The following ICAM4 variants were observed in gnomAD, a reference collection of about 807,000 sequenced individuals.
ICAM4 encodes the protein intercellular adhesion molecule 4.
ICAM4 carries 16 observed loss-of-function variants against 18.8 expected under a neutral mutation model. That is an observed-to-expected ratio of 0.85 (90% CI 0.58 to 1.29). The LOEUF (loss-of-function observed/expected upper bound fraction) is 1.29, where lower values mean the gene tolerates loss of function less well. ICAM4 is among the 50% of genes most tolerant of loss of function. The pLI is 0.00. For synonymous variants in ICAM4, 163 were observed against 163.2 expected, an observed-to-expected ratio of 1.00 and a Z score of 0.01; for missense variants, 338 against 364.3, an observed-to-expected ratio of 0.93 and a Z score of 0.59.
rs1388031450 is a variant in ICAM4, at chr19:10,287,414, A to C, written c.394+8A>C. ...CCAGGATCACCGCCTACAGTGAGGGACAGGGGCTCGGTCCCGGCTGGGGTG... is the reference window on the plus strand; with the variant it reads ...CCAGGATCACCGCCTACAGTGAGGGCCAGGGGCTCGGTCCCGGCTGGGGTG... On this transcript the variant is annotated splice_region_variant and intron_variant, in intron 1 of 2. Coordinates refer to ENST00000380770, the MANE Select transcript of ICAM4 (RefSeq NM_001544.5). This position sits in a 1 kb window ranked among gnomAD's most constrained non-coding sequence, Gnocchi z 8.7. The C allele has an allele frequency of 1.9e-6, 3 of 1,598,316 alleles. No homozygotes were observed. The highest frequency in any genetic ancestry group is 2.6e-6 in the Non-Finnish European group (3 of 1,171,428).
rs1477179506 is a variant in ICAM4 at position 10,287,448 on chromosome 19, G to A, written c.394+42G>A. 3.8e-6 allele frequency: 6 copies of A among 1,588,044 alleles called. No homozygotes were observed. Among genetic ancestry groups the A allele is most frequent in the South Asian group, 2.3e-5 (2 of 87,540 alleles). On this transcript the variant is annotated intron_variant, in intron 1 of 2. Transcript: ENST00000380770. The surrounding 1 kb of genome is among the most constrained non-coding windows in gnomAD (Gnocchi z 8.7). Reference sequence around the variant, plus strand: ...CGGTCCCGGCTGGGGTGAGGGGAGGGGGCTGGAAGAGGTGGGGGAAGGGTA... The same window carrying A: ...CGGTCCCGGCTGGGGTGAGGGGAGGAGGCTGGAAGAGGTGGGGGAAGGGTA...
In ICAM4 at chr19:10,287,612, G is replaced by C. The variant is rs576131531; in HGVS notation, c.471G>C (p.Gln157His). 2 of 1,614,148 alleles carry C rather than the reference G, an allele frequency of 1.2e-6. No homozygotes were observed. The highest frequency in any genetic ancestry group is 1.7e-6 in the Non-Finnish European group (2 of 1,180,020). ...ACACTTTGCGCTGCCACGTGACGCA[G>C]GTGTTCCCGGTGGGCTACTTGGTGG... is the stretch of plus-strand genomic sequence containing the variant. ...RKYTLRCHVT[Q>H]VFPVGYLVVT... Residue 157 changes from glutamine to histidine, a missense_variant, in exon 2 of 3, where the codon CAG becomes CAC. Physicochemically the swap from Gln to His is conservative, Grantham distance 24. Coordinates refer to ENST00000380770, the MANE Select transcript of ICAM4 (RefSeq NM_001544.5). The surrounding 1 kb of genome is among the most constrained non-coding windows in gnomAD (Gnocchi z 8.7).
Position 10,287,281 on chromosome 19 carries a change from C to A in ICAM4, c.269C>A (p.Thr90Lys), listed in dbSNP as rs1221247277. The A allele has an allele frequency of 6.2e-7, 1 of 1,613,782 alleles. No homozygotes were observed. Among genetic ancestry groups the A allele is most frequent in the Non-Finnish European group, 8.5e-7 (1 of 1,180,030 alleles). The part of the protein sequence containing the change: ...SLRTPLRQGK[T>K]LRGPGWVSYQ... ...CGCACCCCGCTGCGGCAAGGCAAGA[C>A]GCTCAGAGGGCCGGGTTGGGTGTCT... The change falls in exon 1 of 3, where the codon ACG (threonine) becomes AAG (lysine). Residue 90 changes from threonine to lysine, a missense_variant. By Grantham distance (78) the Thr-to-Lys change is moderately conservative. Transcript: ENST00000380770. This position sits in a 1 kb window ranked among gnomAD's most constrained non-coding sequence, Gnocchi z 8.7.
At position 10,288,224 on chromosome 19, in the gene ICAM4, A is replaced by G. The variant is rs1415409112; in HGVS notation, c.*120A>G. 2.0e-6 allele frequency: 3 copies of G among 1,521,870 alleles called. No individual in the cohort carries two copies. Among genetic ancestry groups the G allele is most frequent in the Non-Finnish European group, 2.7e-6 (3 of 1,106,598 alleles). 94.3% of individuals were successfully genotyped at this position (1,521,870 alleles called of 1,614,324 possible). Reference sequence around the variant, plus strand: ...GCACTTTGGGAGGCCGAGGCAGGAGAATCGCTTGAGCCCAGGAGTTCGAGA... The same window carrying G: ...GCACTTTGGGAGGCCGAGGCAGGAGGATCGCTTGAGCCCAGGAGTTCGAGA... On this transcript the variant is annotated 3_prime_UTR_variant, in exon 3 of 3. Transcript: ENST00000380770.
chr19:10,288,404 T>C lies in ICAM4; in HGVS notation c.*300T>C, dbSNP rs1448761915. 1 of 549,040 alleles carries C rather than the reference T, an allele frequency of 1.8e-6. No individual in the cohort carries two copies. Among genetic ancestry groups the C allele is most frequent in the East Asian group, 3.3e-5 (1 of 30,480 alleles). The allele number at this position is 549,040 out of a possible 1,614,324, so 34.0% of individuals were successfully genotyped here. ...TCGAGGTTGCAGTGAGCCTTGATCG[T>C]GCCACTGCACTCCAGCCTGGGGGAC... On this transcript the variant is annotated 3_prime_UTR_variant, in exon 3 of 3. Coordinates refer to ENST00000380770, the MANE Select transcript of ICAM4 (RefSeq NM_001544.5).
At position 10,287,180 on chromosome 19, in the gene ICAM4, C is replaced by A; in HGVS notation, c.168C>A (p.Phe56Leu). The A allele has an allele frequency of 6.2e-7, 1 of 1,611,982 alleles. No homozygotes were observed. The highest frequency in any genetic ancestry group is 1.1e-5 in the South Asian group (1 of 90,938). The change falls in exon 1 of 3, where the codon TTC becomes TTA. Residue 56 changes from phenylalanine to leucine, a missense_variant. Transcript: ENST00000380770. This position sits in a 1 kb window ranked among gnomAD's most constrained non-coding sequence, Gnocchi z 8.7. Reference protein sequence around the residue: ...VPFWVRMSPEFVAVQPGKSVQ... With the variant: ...VPFWVRMSPELVAVQPGKSVQ... The stretch of plus-strand genomic sequence containing the variant: ...TCTGGGTGCGCATGAGCCCGGAGTT[C>A]GTGGCTGTGCAGCCGGGGAAGTCAG...
chr19:10,288,208 G>A lies in ICAM4; in HGVS notation c.*104G>A, dbSNP rs1466392628. ...GACGCCTGTAATCCCAGCACTTTGGGAGGCCGAGGCAGGAGAATCGCTTGA... is the reference window on the plus strand; with the variant it reads ...GACGCCTGTAATCCCAGCACTTTGGAAGGCCGAGGCAGGAGAATCGCTTGA... On this transcript the variant is annotated 3_prime_UTR_variant, in exon 3 of 3. Transcript: ENST00000380770. 1 of 1,580,056 alleles carries A rather than the reference G, an allele frequency of 6.3e-7. No individual in the cohort carries two copies. The highest frequency in any genetic ancestry group is 2.2e-5 in the East Asian group (1 of 44,564).
Position 10,287,195 on chromosome 19 carries a change from G to T in ICAM4, c.183G>T (p.Pro61=). The T allele has an allele frequency of 1.2e-6, 2 of 1,612,220 alleles. No individual in the cohort carries two copies. Among genetic ancestry groups the T allele is most frequent in the South Asian group, 1.1e-5 (1 of 90,974 alleles). ...RMSPEFVAVQ[P]GKSVQLNCSN... is the part of the protein sequence containing the mutation. ...GCCCGGAGTTCGTGGCTGTGCAGCC[G>T]GGGAAGTCAGTGCAGCTCAATTGCA... The change falls in exon 1 of 3, where the codon CCG becomes CCT. Residue 61 remains proline (P), a synonymous_variant. Transcript: ENST00000380770. This position sits in a 1 kb window ranked among gnomAD's most constrained non-coding sequence, Gnocchi z 8.7.
rs757827280 is a variant in ICAM4, at chr19:10,286,989, G to T, written c.-24G>T. On this transcript the variant is annotated 5_prime_UTR_variant, in exon 1 of 3. Coordinates refer to ENST00000380770, the MANE Select transcript of ICAM4 (RefSeq NM_001544.5). ...GCCGGCCCTGGCTCTCTGGCGCGGG[G>T]CCCCTTAGTCCGGGCTTTTTGCCAT... 1 of 1,484,136 alleles carries T rather than the reference G, an allele frequency of 6.7e-7. No individual in the cohort carries two copies. Among genetic ancestry groups the T allele is most frequent in the Admixed American group, 2.4e-5 (1 of 42,078 alleles). The allele number at this position is 1,484,136 out of a possible 1,614,324, so 91.9% of individuals were successfully genotyped here. A position where few individuals can be genotyped will look rare whatever the true frequency, so the allele number is the denominator to read the frequency against.
chr19:10,287,497 C>G lies in ICAM4; in HGVS notation c.395-39C>G, dbSNP rs909829363. 21 of 1,600,392 alleles carry G rather than the reference C, an allele frequency of 1.3e-5. No individual in the cohort carries two copies. Among genetic ancestry groups the G allele is most frequent in the East Asian group, 2.2e-5 (1 of 44,730 alleles). On this transcript the variant is annotated intron_variant, in intron 1 of 2. Coordinates refer to ENST00000380770, the MANE Select transcript of ICAM4 (RefSeq NM_001544.5). The surrounding 1 kb of genome is among the most constrained non-coding windows in gnomAD (Gnocchi z 8.7). ...TAGTTGACAGTCGCTCTATAGGGAG[C>G]GCCCGCGGACCTCACTCAGAGGCTC...
rs2040136524 is a variant in ICAM4 at position 10,288,144 on chromosome 19, A to C, written c.*40A>C. The C allele has an allele frequency of 1.9e-6, 3 of 1,613,952 alleles. No homozygotes were observed. In the South Asian group the frequency reaches 3.3e-5, roughly 18 times the overall value. ...TGCCGGCTGAGCGAGAAAAAGAGGA[A>C]TATGAAACAATCTGGGGAAATGGCC... On this transcript the variant is annotated 3_prime_UTR_variant, in exon 3 of 3. Transcript: ENST00000380770.
rs1210382913 is a variant in ICAM4, at chr19:10,288,214, G to A, written c.*110G>A. ...TGTAATCCCAGCACTTTGGGAGGCC[G>A]AGGCAGGAGAATCGCTTGAGCCCAG... On this transcript the variant is annotated 3_prime_UTR_variant, in exon 3 of 3. Coordinates refer to ENST00000380770, the MANE Select transcript of ICAM4 (RefSeq NM_001544.5). The A allele has an allele frequency of 1.3e-6, 2 of 1,553,032 alleles. No individual in the cohort carries two copies. The highest frequency in any genetic ancestry group is 1.8e-6 in the Non-Finnish European group (2 of 1,131,238).
rs1160472230 is a variant in ICAM4, at chr19:10,288,235, C to T, written c.*131C>T. On this transcript the variant is annotated 3_prime_UTR_variant, in exon 3 of 3. Transcript: ENST00000380770. ...GGCCGAGGCAGGAGAATCGCTTGAG[C>T]CCAGGAGTTCGAGACCAGCCTGGAC... The T allele has an allele frequency of 3.5e-6, 5 of 1,439,816 alleles. No homozygotes were observed. Among genetic ancestry groups the T allele is most frequent in the Non-Finnish European group, 4.8e-6 (5 of 1,036,748 alleles). 89.2% of individuals were successfully genotyped at this position (1,439,816 alleles called of 1,614,324 possible).
chr19:10,287,929 A>C lies in ICAM4; in HGVS notation c.698-57A>C, dbSNP rs762687841. On this transcript the variant is annotated intron_variant, in intron 2 of 2. Coordinates refer to ENST00000380770, the MANE Select transcript of ICAM4 (RefSeq NM_001544.5). The surrounding 1 kb of genome is among the most constrained non-coding windows in gnomAD (Gnocchi z 8.7). The stretch of plus-strand genomic sequence containing the variant: ...GGCGCACAGACCAAGCGTGAGCTCC[A>C]CGCGGGTCGACAGACCTCCCTGTGT... The C allele has an allele frequency of 5.8e-5, 93 of 1,611,140 alleles. No homozygotes were observed. Among genetic ancestry groups the C allele is most frequent in the Non-Finnish European group, 7.7e-5 (91 of 1,178,706 alleles).
Position 10,288,463 on chromosome 19 carries a change from A to C in ICAM4, c.*359A>C. 1 of 379,342 alleles carries C rather than the reference A, an allele frequency of 2.6e-6. No homozygotes were observed. 23.5% of individuals were successfully genotyped at this position (379,342 alleles called of 1,614,324 possible). A position where few individuals can be genotyped will look rare whatever the true frequency, so the allele number is the denominator to read the frequency against. ...ACCCTGTCTCCAAAAATAAAATAAA[A>C]ATAAAAATAAATATTGGCGGGGGAA... On this transcript the variant is annotated 3_prime_UTR_variant, in exon 3 of 3. Transcript: ENST00000380770.
In ICAM4 at chr19:10,287,234, C is replaced by T; in HGVS notation, c.222C>T (p.Pro74=). ...SVQLNCSNSC[P]QPQNSSLRTP... is the part of the protein sequence containing the mutation. Reference sequence around the variant, plus strand: ...AGCTCAATTGCAGCAACAGCTGTCCCCAGCCGCAGAATTCCAGCCTCCGCA... The same window carrying T: ...AGCTCAATTGCAGCAACAGCTGTCCTCAGCCGCAGAATTCCAGCCTCCGCA... The change falls in exon 1 of 3, where the codon CCC becomes CCT. Residue 74 remains proline, a synonymous_variant. Transcript: ENST00000380770. The surrounding 1 kb of genome is among the most constrained non-coding windows in gnomAD (Gnocchi z 8.7). The T allele has an allele frequency of 6.2e-7, 1 of 1,613,404 alleles. No individual in the cohort carries two copies. The highest frequency in any genetic ancestry group is 8.5e-7 in the Non-Finnish European group (1 of 1,179,946).
chr19:10,287,782 T>G lies in ICAM4; in HGVS notation c.641T>G (p.Leu214Arg). 1 of 1,613,536 alleles carries G rather than the reference T, an allele frequency of 6.2e-7. No individual in the cohort carries two copies. Among genetic ancestry groups the G allele is most frequent in the Non-Finnish European group, 8.5e-7 (1 of 1,180,006 alleles). The change falls in exon 2 of 3, where the codon CTC (leucine) becomes CGC (arginine). Residue 214 changes from leucine (L) to arginine (R), a missense_variant. Leu to Arg is a moderately radical substitution (Grantham distance 102, BLOSUM62 -2). Transcript: ENST00000380770. This position sits in a 1 kb window ranked among gnomAD's most constrained non-coding sequence, Gnocchi z 8.7. ...FWQPVICHAR[L>R]NLDGLVVRNS... The stretch of plus-strand genomic sequence containing the variant: ...CAGCCCGTGATCTGCCACGCGCGCC[T>G]CAATCTCGACGGCCTGGTGGTCCGC...
rs2040116603 is a variant in ICAM4 at position 10,287,088 on chromosome 19, C to G, written c.76C>G (p.Arg26Gly). 1.3e-6 allele frequency: 2 copies of G among 1,595,640 alleles called. No individual in the cohort carries two copies. Among genetic ancestry groups the G allele is most frequent in the Admixed American group, 3.4e-5 (2 of 58,352 alleles). The change falls in exon 1 of 3, where the codon CGC (arginine) becomes GGC (glycine). Residue 26 changes from arginine (R) to glycine (G), a missense_variant. Coordinates refer to ENST00000380770, the MANE Select transcript of ICAM4 (RefSeq NM_001544.5). This position sits in a 1 kb window ranked among gnomAD's most constrained non-coding sequence, Gnocchi z 8.7. ...CCCGGGAGTTGGGAGCGCGCTGGGA[C>G]GCCGGACTAAGCGGGCGCAAAGCCC... ...AYPGVGSALG[R>G]RTKRAQSPKG...
Position 10,287,420 on chromosome 19 carries a change from G to C in ICAM4, c.394+14G>C, listed in dbSNP as rs764431950. On this transcript the variant is annotated intron_variant, in intron 1 of 2. Coordinates refer to ENST00000380770, the MANE Select transcript of ICAM4 (RefSeq NM_001544.5). This position sits in a 1 kb window ranked among gnomAD's most constrained non-coding sequence, Gnocchi z 8.7. ...TCACCGCCTACAGTGAGGGACAGGG[G>C]CTCGGTCCCGGCTGGGGTGAGGGGA... is the stretch of plus-strand genomic sequence containing the variant. The C allele has an allele frequency of 3.1e-6, 5 of 1,595,304 alleles. No homozygotes were observed. The South Asian group carries it at 5.6e-5, about 18-fold the overall frequency.
Sources: gnomAD v4.1 joint callset for allele counts on GRCh38, gnomAD v4.1.1 for gene constraint, Gnocchi (gnomAD v3.1) non-coding constraint, MANE v1.5 for transcripts, NCBI Gene and HGNC (gene_info 2026-07-23, HGNC 2026-07-21) for gene names.